Variants in EPHA5 observed in about 807,000 individuals in gnomAD.
EPHA5 encodes EPH receptor A5.
In EPHA5, 60 loss-of-function variants were observed where a neutral mutation model predicts 105.0. The observed-to-expected ratio is 0.57, with a 90% CI of 0.46 to 0.71. The LOEUF is 0.71. Ranked by LOEUF, EPHA5 falls within the 30% of genes least tolerant of loss-of-function variation. The pLI is 0.00. For missense variants in EPHA5, 1,218 were observed against 1,274.7 expected, an observed-to-expected ratio of 0.96 and a Z score of 0.68; for synonymous variants, 513 against 449.1, an observed-to-expected ratio of 1.14 and a Z score of -1.80.
At chr4:65,468,799 C>G (rs1196869349) in intron 5 of EPHA5, among the ~76,000 whole-genome samples, 1 of 150,676 alleles carries the variant, frequency 6.6e-6, no homozygotes, top group East Asian at 1.9e-4. Context: ...CGCTTATGAA[C>G]TAACACAAAA....
Position 65,404,606 on chromosome 4 carries a change from C to T in EPHA5, c.1688-127G>A. ...TTTACCCACACTTAGCTGAAATTTC[C>T]CCTAATATCCTTTCTTAAAAGTGTG... is the stretch of plus-strand genomic sequence containing the variant. On this transcript the variant is annotated intron_variant, in intron 7 of 16. Coordinates refer to ENST00000613740, the MANE Select transcript of EPHA5 (RefSeq NM_001281766.3). The T allele has an allele frequency of 1.0e-5, 7 of 674,334 alleles. No homozygotes were observed. The South Asian group carries it at 1.4e-4, about 13-fold the overall frequency. 41.8% of individuals were successfully genotyped at this position (674,334 alleles called of 1,614,324 possible). A position where few individuals can be genotyped will look rare whatever the true frequency, so the allele number is the denominator to read the frequency against.
chr4:65,587,244 A>G (rs1213344296), intron 3 of EPHA5, among the ~76,000 whole-genome samples: 1 of 152,076 alleles, frequency 6.6e-6, no homozygotes, highest in Non-Finnish European at 1.5e-5. Flanking sequence ...CAGGTCCATG[A>G]GGTACAGAGG....
rs1335764336 is a variant in EPHA5 at position 65,573,569 on chromosome 4, C to G, written c.910+28072G>C. The G allele has an allele frequency of 5.6e-5, 89 of 1,598,178 alleles. 1 individual carries two copies. The highest frequency in any genetic ancestry group is 1.3e-5 in the Non-Finnish European group (15 of 1,179,696). ...AGGGTAACCTCAAAGCTAAAAAGCC[C>G]AAGAAGGGGAAGCCCCGTTGCAGCC... On this transcript the variant is annotated intron_variant, in intron 3 of 16. Transcript: ENST00000613740.
chr4:65,527,155 A>G lies in EPHA5; in HGVS notation c.911-31612T>C, dbSNP rs552256434. On this transcript the variant is annotated intron_variant, in intron 3 of 16. Coordinates refer to ENST00000613740, the MANE Select transcript of EPHA5 (RefSeq NM_001281766.3). ...ATCTGCCTAAATTTTACCTTTCTGC[A>G]TATTTACTATACTAACATTCACATA... 3.3e-5 allele frequency among the ~76,000 whole-genome samples: 5 copies of G among 152,228 alleles called. No individual in the cohort carries two copies. In the South Asian group the frequency reaches 1.0e-3, roughly 32 times the overall value.
At chr4:65,418,078 C>T (rs181030781) in intron 6 of EPHA5, among the ~76,000 whole-genome samples, 195 of 152,240 alleles carry the variant, frequency 1.3e-3, no homozygotes, top group African/African-American at 4.6e-3. Context: ...TATTGCATCT[C>T]AGATAGTCAA....
At chr4:65,415,848 TA>T (rs1723334870) in intron 6 of EPHA5, among the ~76,000 whole-genome samples, 1 of 152,162 alleles carries the variant, frequency 6.6e-6, no homozygotes, top group African/African-American at 2.4e-5. Flanking sequence ...ATCATAGCAG[TA>T]AAAAGCAAAT....
intron 7 of EPHA5, among the ~76,000 whole-genome samples, chr4:65,407,309 G>T (rs1722456760): frequency 6.6e-6 from 1 of 151,988 alleles, no homozygotes; most frequent in Non-Finnish European, 1.5e-5. Context: ...CAATTACTCA[G>T]AAATAAGGGT....
chr4:65,365,733 A>G (rs1175760320), intron 10 of EPHA5, among the ~76,000 whole-genome samples, 199 bp downstream of exon 10: 1 of 139,618 alleles, frequency 7.2e-6, no homozygotes, highest in Non-Finnish European at 1.6e-5. Context: ...CTGTTTTTAA[A>G]TTTTATAAAC....
At chr4:65,344,913 C>T (rs1722071474) in intron 14 of EPHA5, among the ~76,000 whole-genome samples, 2 of 152,068 alleles carry the variant, frequency 1.3e-5, no homozygotes, top group Non-Finnish European at 2.9e-5. Flanking sequence ...AGGTAGGAGA[C>T]ATTGATTCAA....
chr4:65,462,976 T>G (rs1013601467), intron 5 of EPHA5, among the ~76,000 whole-genome samples: 1 of 152,212 alleles, frequency 6.6e-6, no homozygotes, highest in Non-Finnish European at 1.5e-5. Flanking sequence ...TAAAGAAATT[T>G]ATGATTAACA....
At chr4:65,624,570 A>C (rs961951355) in intron 2 of EPHA5, among the ~76,000 whole-genome samples, 5 of 152,230 alleles carry the variant, frequency 3.3e-5, no homozygotes, top group Non-Finnish European at 5.9e-5. Flanking sequence ...CCAACTATTG[A>C]AAATCATTCA....
At position 65,490,496 on chromosome 4, in the gene EPHA5, A is replaced by G. The variant is rs1014130945; in HGVS notation, c.1283T>C (p.Met428Thr). ...QSGLKNTSVMMVDLLAHTNYT... is the reference protein window; with the variant it reads ...QSGLKNTSVMTVDLLAHTNYT... ...GTTTGTGTGAGCGAGTAGATCCACC[A>G]TCATGACAGAGGTGTTTTTCAGGCC... is the stretch of plus-strand genomic sequence containing the variant. The change falls in exon 5 of 17, where the codon ATG (methionine) becomes ACG (threonine). Residue 428 changes from methionine (M) to threonine (T), a missense_variant. By Grantham distance (81) the Met-to-Thr change is moderately conservative. Transcript: ENST00000613740. 6 of 1,614,040 alleles carry G rather than the reference A, an allele frequency of 3.7e-6. No homozygotes were observed. In the African/African-American group the frequency reaches 8.0e-5, roughly 22 times the overall value.
chr4:65,432,928 A>G (rs184217741), intron 5 of EPHA5, among the ~76,000 whole-genome samples: 1 of 152,014 alleles, frequency 6.6e-6, no homozygotes, highest in African/African-American at 2.4e-5. Context: ...GCTCATAAGT[A>G]GTGGATTAGG....
chr4:65,451,286 C>T (rs1450552982), intron 5 of EPHA5, among the ~76,000 whole-genome samples: 2 of 152,056 alleles, frequency 1.3e-5, no homozygotes. Context: ...AATATGTTTT[C>T]AAGTATCTTC....
At chr4:65,505,400 T>A (rs1732909153) in intron 3 of EPHA5, among the ~76,000 whole-genome samples, 1 of 152,048 alleles carries the variant, frequency 6.6e-6, no homozygotes, top group African/African-American at 2.4e-5. Context: ...AAATTCTTCA[T>A]AAAAACAAGA....
chr4:65,376,857 T>C (rs1283297973), intron 8 of EPHA5: 44 of 584,404 alleles, frequency 7.5e-5, no homozygotes, highest in Non-Finnish European at 1.1e-5. Flanking sequence ...TAATCCATTG[T>C]GAAATCACTT....
At chr4:65,437,931 A>G (rs758011022) in intron 5 of EPHA5, among the ~76,000 whole-genome samples, 3 of 151,994 alleles carry the variant, frequency 2.0e-5, no homozygotes, top group African/African-American at 4.8e-5. Context: ...TCTCTGTCCT[A>G]TGGTGTCTTA....
At chr4:65,522,261 T>C (rs1275230392) in intron 3 of EPHA5, among the ~76,000 whole-genome samples, 1 of 150,838 alleles carries the variant, frequency 6.6e-6, no homozygotes, top group Non-Finnish European at 1.5e-5. Context: ...TGAATTCTTT[T>C]AGGCAATTGA....
At chr4:65,429,660 T>C (rs1357942592) in intron 5 of EPHA5, among the ~76,000 whole-genome samples, 1 of 152,074 alleles carries the variant, frequency 6.6e-6, no homozygotes, top group Non-Finnish European at 1.5e-5. Context: ...AACAGAATAA[T>C]TTAATTCACT....
Sources: allele counts gnomAD v4.1 joint callset (sites outside exome capture counted in the v4.1 genomes callset), GRCh38; gene constraint gnomAD v4.1.1; transcripts MANE v1.5; gene names NCBI Gene and HGNC (gene_info 2026-07-23, HGNC 2026-07-21).